The following UVRAG variants were observed in gnomAD, a reference collection of about 807,000 sequenced individuals.
UVRAG encodes the protein UV radiation resistance-associated gene protein.
UVRAG carries 19 observed loss-of-function variants against 78.0 expected under a neutral mutation model. The ratio of observed to expected loss-of-function variants is 0.24; its 90% CI spans 0.17 to 0.36. The LOEUF is 0.36. UVRAG is among the 10% of genes least tolerant of loss of function. UVRAG has a pLI of 1.00. For missense variants in UVRAG, 740 were observed against 853.8 expected, an observed-to-expected ratio of 0.87 and a Z score of 1.66; for synonymous variants, 323 against 324.6, an observed-to-expected ratio of 1.00 and a Z score of 0.05.
chr11:75,880,266 T>G (rs971448493), intron 4 of UVRAG, among the ~76,000 whole-genome samples: 8 of 152,244 alleles, frequency 5.3e-5, no homozygotes, highest in Non-Finnish European at 1.0e-4. Flanking sequence ...CAAACACCTT[T>G]GTCTGAAGAA....
chr11:75,947,388 G>A (rs1264808163), intron 6 of UVRAG, among the ~76,000 whole-genome samples: 2 of 152,074 alleles, frequency 1.3e-5, no homozygotes, highest in East Asian at 3.9e-4. Context: ...TGGGAATCTT[G>A]GGGTGACATT....
intron 5 of UVRAG, among the ~76,000 whole-genome samples, chr11:75,891,785 G>A (rs538008651): frequency 1.2e-4 from 18 of 152,226 alleles, no homozygotes; most frequent in African/African-American, 3.1e-4. Context: ...GTGGTGACAC[G>A]TGTCTGTAGT....
chr11:76,022,811 G>A (rs890740039), intron 12 of UVRAG, among the ~76,000 whole-genome samples: 15 of 152,182 alleles, frequency 9.9e-5, no homozygotes, highest in African/African-American at 3.4e-4. Context: ...TTTGTTTTCT[G>A]TATGTCTTAT....
At position 76,085,274 on chromosome 11, in the gene UVRAG, C is replaced by CT. The variant is rs111410619; in HGVS notation, c.1305+19489dup. 6.9e-3 allele frequency among the ~76,000 whole-genome samples: 1,057 copies of CT among 152,188 alleles called. 17 individuals are homozygous for CT. The highest frequency in any genetic ancestry group is 0.024 in the African/African-American group (1,012 of 41,524). On this transcript the variant is annotated intron_variant, in intron 13 of 14. Transcript: ENST00000356136. ...AGCAACATCATGGCAATGTGGTCCCCTTTGTTTGGCTCTGGCTTTTTGCTG... is the reference window on the plus strand; with the variant it reads ...AGCAACATCATGGCAATGTGGTCCCCTTTTGTTTGGCTCTGGCTTTTTGCTG...
At chr11:75,867,005 T>C (rs1476801728) in intron 3 of UVRAG, among the ~76,000 whole-genome samples, 1 of 152,206 alleles carries the variant, frequency 6.6e-6, no homozygotes, top group Non-Finnish European at 1.5e-5. Flanking sequence ...ATTTGACTTA[T>C]GATAAGGAAT....
At position 76,065,743 on chromosome 11, in the gene UVRAG, G is replaced by T; in HGVS notation, c.1260G>T (p.Leu420Phe). ...TGTATCCAAAAGGAGGGGAGAAGTT[G>T]CAGTTTGATTATGGTGTCTATCTTC... ...FPLYPKGGEK[L>F]QFDYGVYLLN... Residue 420 changes from leucine to phenylalanine, a missense_variant, in exon 13 of 15, where the codon TTG (leucine) becomes TTT (phenylalanine). By Grantham distance (22) the Leu-to-Phe change is conservative. Coordinates refer to ENST00000356136, the MANE Select transcript of UVRAG (RefSeq NM_003369.4). The T allele has an allele frequency of 6.2e-7, 1 of 1,613,922 alleles. No individual in the cohort carries two copies.
intron 3 of UVRAG, among the ~76,000 whole-genome samples, chr11:75,878,913 G>A (rs534185205): frequency 3.4e-5 from 5 of 149,012 alleles, no homozygotes; most frequent in South Asian, 2.1e-4. Flanking sequence ...GAGGGGGAGG[G>A]GGAGGGAGAG....
intron 6 of UVRAG, among the ~76,000 whole-genome samples, chr11:75,960,547 G>T (rs1458496717): frequency 6.6e-6 from 1 of 152,094 alleles, no homozygotes; most frequent in African/African-American, 2.4e-5. Context: ...CGGGCACATT[G>T]CTTGAACACA....
intron 8 of UVRAG, among the ~76,000 whole-genome samples, chr11:75,985,154 C>CTTTTTTTTTTTTTTTTTTTTT (rs796594987): frequency 7.8e-6 from 1 of 128,610 alleles, no homozygotes; most frequent in African/African-American, 2.8e-5. Flanking sequence ...AATTTCTTTT[C>CTTTTTTTTTTTTTTTTTTTTT]TTTTTTTTTT....
At chr11:75,883,125 A>T (rs745888957) in intron 4 of UVRAG, among the ~76,000 whole-genome samples, 1 of 152,078 alleles carries the variant, frequency 6.6e-6, no homozygotes, top group South Asian at 2.1e-4. Flanking sequence ...TTTCTCTTCT[A>T]CTTGAAAGTA....
intron 12 of UVRAG, among the ~76,000 whole-genome samples, chr11:76,035,441 T>C (rs548308480): frequency 3.3e-5 from 5 of 152,326 alleles, no homozygotes; most frequent in Admixed American, 6.5e-5. Flanking sequence ...TCCTTTTCTA[T>C]TTTTGTATTA....
intron 1 of UVRAG, among the ~76,000 whole-genome samples, chr11:75,850,523 C>T (rs1018933350): frequency 2.0e-5 from 3 of 152,090 alleles, no homozygotes; most frequent in African/African-American, 4.8e-5. Flanking sequence ...CTGTAGAGGG[C>T]TTTGAACACA....
At chr11:75,818,559 A>G (rs1273830822) in intron 1 of UVRAG, among the ~76,000 whole-genome samples, 1 of 151,140 alleles carries the variant, frequency 6.6e-6, no homozygotes, top group Non-Finnish European at 1.5e-5. Flanking sequence ...GCTTATTGCA[A>G]CCTCTGCCTC....
intron 1 of UVRAG, among the ~76,000 whole-genome samples, chr11:75,828,693 G>A (rs1945574603): frequency 3.6e-5 from 2 of 55,100 alleles, no homozygotes; most frequent in South Asian, 4.5e-4. Context: ...ATATACATGT[G>A]TGTGTATATA....
chr11:75,974,273 G>A (rs915081128), intron 7 of UVRAG, among the ~76,000 whole-genome samples: 1 of 150,200 alleles, frequency 6.7e-6, no homozygotes, highest in South Asian at 2.1e-4. Flanking sequence ...GTATCTCATT[G>A]TGGTTTTGAT....
Position 76,136,582 on chromosome 11 carries a change from C to G in UVRAG, c.1398-4129C>G, listed in dbSNP as rs1461399418. 4.7e-5 allele frequency among the ~76,000 whole-genome samples: 7 copies of G among 150,352 alleles called. No individual in the cohort carries two copies. The East Asian group carries it at 1.4e-3, about 29-fold the overall frequency. On this transcript the variant is annotated intron_variant, in intron 14 of 14. Coordinates refer to ENST00000356136, the MANE Select transcript of UVRAG (RefSeq NM_003369.4). Reference sequence around the variant, plus strand: ...AAAGTGCAGTGGTATGATCACAGCTCACTGCAACCCAGGCTCACGCAATCC... The same window carrying G: ...AAAGTGCAGTGGTATGATCACAGCTGACTGCAACCCAGGCTCACGCAATCC...
chr11:75,829,819 G>C (rs978031136), intron 1 of UVRAG, among the ~76,000 whole-genome samples: 2 of 152,172 alleles, frequency 1.3e-5, no homozygotes, highest in African/African-American at 4.8e-5. Flanking sequence ...TAATTTTCAT[G>C]CCATGAAATA....
At chr11:75,920,043 T>TTG (rs1947945672) in intron 6 of UVRAG, among the ~76,000 whole-genome samples, 1 of 102,998 alleles carries the variant, frequency 9.7e-6, no homozygotes, top group East Asian at 2.5e-4. Flanking sequence ...TTTTTTTTTT[T>TTG]GGGACGAAGT....
chr11:76,065,582 A>G (rs1294741701), intron 12 of UVRAG, 128 bp from the exon 13 acceptor site: 2 of 699,518 alleles, frequency 2.9e-6, no homozygotes, highest in Non-Finnish European at 4.9e-6. Context: ...TGCAATGACT[A>G]TAGCTAGGTG....
Sources: allele counts gnomAD v4.1 joint callset (sites outside exome capture counted in the v4.1 genomes callset), GRCh38; gene constraint gnomAD v4.1.1; transcripts MANE v1.5; gene names NCBI Gene and HGNC (gene_info 2026-07-23, HGNC 2026-07-21).